DNAJB13: variants seen among roughly 807,000 people sequenced by gnomAD.
The protein encoded by DNAJB13 is DnaJ heat shock protein family (Hsp40) member B13.
A neutral mutation model predicts 35.6 loss-of-function variants in DNAJB13; 22 were observed. The ratio of observed to expected loss-of-function variants is 0.62; its 90% CI spans 0.44 to 0.88. The LOEUF is 0.88. Ranked by LOEUF, DNAJB13 falls within the 40% of genes least tolerant of loss-of-function variation. The probability of loss-of-function intolerance (pLI) is 0.00; values close to 1 mark genes in which losing one functional copy is unlikely to be tolerated. For synonymous variants in DNAJB13, 136 were observed against 144.2 expected, an observed-to-expected ratio of 0.94 and a Z score of 0.41; for missense variants, 370 against 384.3, an observed-to-expected ratio of 0.96 and a Z score of 0.31.
intron 6 of DNAJB13, 56 bp downstream of exon 6, chr11:73,968,514 C>A: frequency 6.7e-7 from 1 of 1,486,732 alleles, no homozygotes; most frequent in African/African-American, 1.4e-5. Context: ...GCCCTGCCTG[C>A]CCCGGCCTAG....
Position 73,958,345 on chromosome 11 carries a change from C to A in DNAJB13, c.97C>A (p.Pro33Thr). Residue 33 changes from proline to threonine, a missense_variant, in exon 2 of 8, where the codon CCG (proline) becomes ACG (threonine). Physicochemically the swap from Pro to Thr is conservative, Grantham distance 38 (BLOSUM62 -1). Transcript: ENST00000339764. ...CCGCAGACTCGCCCTTAAGCACCAC[C>A]CGTTGAAGTCAAATGAGCCGTCTTC... Reference protein sequence around the residue: ...AYRRLALKHHPLKSNEPSSAE... With the variant: ...AYRRLALKHHTLKSNEPSSAE... 6.2e-7 allele frequency: 1 copy of A among 1,614,122 alleles called. No individual in the cohort carries two copies. Among genetic ancestry groups the A allele is most frequent in the Middle Eastern group, 1.6e-4 (1 of 6,062 alleles).
intron 1 of DNAJB13, among the ~76,000 whole-genome samples, chr11:73,951,644 A>G (rs1950587677): frequency 6.6e-6 from 1 of 152,120 alleles, no homozygotes; most frequent in Non-Finnish European, 1.5e-5. Flanking sequence ...TTCTGAAAAC[A>G]TGTTTTTGTT....
intron 1 of DNAJB13, among the ~76,000 whole-genome samples, chr11:73,953,845 A>C (rs1021990455): frequency 2.6e-5 from 4 of 151,786 alleles, no homozygotes; most frequent in African/African-American, 9.7e-5. Flanking sequence ...TAAAAAATAC[A>C]AAAAATTAGC....
chr11:73,953,992 T>A (rs932226653), intron 1 of DNAJB13, among the ~76,000 whole-genome samples: 15 of 121,998 alleles, frequency 1.2e-4, no homozygotes, highest in African/African-American at 5.0e-4. Context: ...GTCTCAAAAA[T>A]AATAATAAAA....
At chr11:73,962,743 C>A (rs1001309024) in intron 3 of DNAJB13, among the ~76,000 whole-genome samples, 23 of 152,130 alleles carry the variant, frequency 1.5e-4, no homozygotes, top group Non-Finnish European at 4.4e-5. Flanking sequence ...CTTTTCTGTG[C>A]CAATATGTGG....
chr11:73,964,746 G>A lies in DNAJB13; in HGVS notation c.335-132G>A. The A allele has an allele frequency of 3.0e-6, 3 of 1,005,818 alleles. No individual in the cohort carries two copies. In the South Asian group the frequency reaches 4.1e-5, roughly 14 times the overall value. 62.3% of individuals were successfully genotyped at this position (1,005,818 alleles called of 1,614,324 possible). The stretch of plus-strand genomic sequence containing the variant: ...CACAGGACACTGAAGAGGTTGGGGA[G>A]CATATCTGGATAGGGAGGCTGTGTG... On this transcript the variant is annotated intron_variant, in intron 3 of 7. Transcript: ENST00000339764.
intron 2 of DNAJB13, 66 bp from the exon 3 acceptor site, chr11:73,959,428 C>G (rs1483205069): frequency 6.4e-7 from 1 of 1,557,750 alleles, no homozygotes; most frequent in East Asian, 2.3e-5. Context: ...CCGCCTGCTT[C>G]CCAGCCCCTC....
At chr11:73,954,546 C>G (rs35695385) in intron 1 of DNAJB13, among the ~76,000 whole-genome samples, 11,832 of 149,896 alleles carry the variant, frequency 0.079, 587 homozygotes, top group African/African-American at 0.13. Context: ...AGGAGAATGG[C>G]GTGAACCTGG....
In DNAJB13 at chr11:73,970,005, C is replaced by CGGA; in HGVS notation, c.846_848dup (p.Glu282dup). The CGGA allele has an allele frequency of 6.2e-7, 1 of 1,611,480 alleles. No individual in the cohort carries two copies. Among genetic ancestry groups the CGGA allele is most frequent in the Non-Finnish European group, 8.5e-7 (1 of 1,178,692 alleles). On this transcript the variant is annotated inframe_insertion, in exon 8 of 8. Transcript: ENST00000339764. ...GTGCCAGGGGAGGGGATGCCATTGC[C>CGGA]GGAGGACCCCACTAAGAAAGGGGAT...
chr11:73,965,849 C>T lies in DNAJB13; in HGVS notation c.493-289C>T, dbSNP rs1415679927. On this transcript the variant is annotated intron_variant, in intron 4 of 7. Coordinates refer to ENST00000339764, the MANE Select transcript of DNAJB13 (RefSeq NM_153614.4). ...GTGTTTGATCAACTAATGGTGACTG[C>T]TTGGCATCTCAGCCCCCAGCCCCAG... is the stretch of plus-strand genomic sequence containing the variant. 1.5e-5 allele frequency: 6 copies of T among 389,706 alleles called. No homozygotes were observed. In the Middle Eastern group the frequency reaches 2.3e-3, roughly 149 times the overall value. The allele number at this position is 389,706 out of a possible 1,614,324, so 24.1% of individuals were successfully genotyped here. A position where few individuals can be genotyped will look rare whatever the true frequency, so the allele number is the denominator to read the frequency against.
intron 3 of DNAJB13, among the ~76,000 whole-genome samples, chr11:73,961,529 C>A (rs622064): frequency 0.29 from 44,587 of 151,974 alleles, 6,998 homozygotes; most frequent in African/African-American, 0.39. Context: ...GTGGGTGGAC[C>A]CACAAAGGCT....
At chr11:73,967,382 A>G (rs1565178208) in intron 5 of DNAJB13, among the ~76,000 whole-genome samples, 1 of 152,206 alleles carries the variant, frequency 6.6e-6, no homozygotes, top group Non-Finnish European at 1.5e-5. Context: ...AGTCCTGAGA[A>G]GAGGCATTCA....
chr11:73,961,516 C>T (rs561768119), intron 3 of DNAJB13, among the ~76,000 whole-genome samples: 9 of 152,308 alleles, frequency 5.9e-5, no homozygotes, highest in African/African-American at 1.9e-4. Context: ...AGGCATGAAA[C>T]TCGTGGGTGG....
chr11:73,954,140 C>A (rs2135276863), intron 1 of DNAJB13, among the ~76,000 whole-genome samples: 1 of 149,818 alleles, frequency 6.7e-6, no homozygotes, highest in South Asian at 2.1e-4. Flanking sequence ...GCCTGGCCAA[C>A]TTGGTGAAAC....
intron 4 of DNAJB13, 200 bp from the exon 5 acceptor site, chr11:73,965,938 A>C: frequency 7.0e-6 from 4 of 568,700 alleles, no homozygotes; most frequent in Non-Finnish European, 1.3e-5. Context: ...ACAGGATGGG[A>C]GTGGGAGTGG....
intron 3 of DNAJB13, 78 bp from the exon 4 acceptor site, chr11:73,964,800 T>TGC (rs761695344): frequency 6.0e-5 from 61 of 1,021,954 alleles, no homozygotes; most frequent in African/African-American, 8.4e-5. Flanking sequence ...TGTGTGTGTG[T>TGC]GTGTGTGTGT....
chr11:73,967,132 C>T (rs1420003697), intron 5 of DNAJB13, among the ~76,000 whole-genome samples: 1 of 151,608 alleles, frequency 6.6e-6, no homozygotes, highest in Non-Finnish European at 1.5e-5. Flanking sequence ...GGATTACAGG[C>T]GTGAGCCACT....
intron 1 of DNAJB13, among the ~76,000 whole-genome samples, chr11:73,953,288 G>A (rs1950631166): frequency 6.6e-6 from 1 of 152,172 alleles, no homozygotes; most frequent in Non-Finnish European, 1.5e-5. Flanking sequence ...CACTTTGGGA[G>A]GCCGAGGTAG....
intron 5 of DNAJB13, among the ~76,000 whole-genome samples, chr11:73,967,395 G>A (rs1951147944): frequency 1.3e-5 from 2 of 152,150 alleles, no homozygotes; most frequent in African/African-American, 4.8e-5. Context: ...GGCATTCAGA[G>A]CCAGGGAAGA....
Sources: gnomAD v4.1 joint callset for allele counts (sites outside exome capture counted in the v4.1 genomes callset) on GRCh38, gnomAD v4.1.1 for gene constraint, MANE v1.5 for transcripts, NCBI Gene and HGNC (gene_info 2026-07-23, HGNC 2026-07-21) for gene names.